Variants in ABCF1 observed in about 807,000 individuals in gnomAD.
ABCF1 encodes ATP binding cassette subfamily F member 1, also known as ATP-binding cassette sub-family F member 1.
In ABCF1, 73 loss-of-function variants were observed where a neutral mutation model predicts 126.3. That is an observed-to-expected ratio of 0.58 (90% CI 0.48 to 0.70). The LOEUF is 0.70. Among genes scored for constraint, ABCF1 ranks in the 30% least tolerant of loss-of-function variants. The pLI is 0.00. For missense variants in ABCF1, 786 were observed against 1,057.5 expected (o/e 0.74, Z 3.56); for synonymous variants, 345 against 396.4 (o/e 0.87, Z 1.54).
At position 30,579,972 on chromosome 6, in the gene ABCF1, G is replaced by C; in HGVS notation, c.531G>C (p.Lys177Asn). The change falls in exon 7 of 25, where the codon AAG becomes AAC. Residue 177 changes from lysine to asparagine, a missense_variant. Coordinates refer to ENST00000326195, the MANE Select transcript of ABCF1 (RefSeq NM_001025091.2). The part of the protein sequence containing the change: ...EEQQPALKGK[K>N]GKEEKSKGKA... ...AGCAGCCTGCACTCAAGGGCAAAAA[G>C]GGAAAGGAAGAGAAGTCAAAAGGGA... The C allele has an allele frequency of 6.2e-7, 1 of 1,612,824 alleles. No homozygotes were observed.
chr6:30,580,496 G>C lies in ABCF1; in HGVS notation c.655G>C (p.Glu219Gln). The change falls in exon 8 of 25, where the codon GAG becomes CAG. Residue 219 changes from glutamate (E) to glutamine (Q), a missense_variant. Glu to Gln is a conservative substitution (Grantham distance 29). Around this residue, in one of 4 missense-constraint regions of ABCF1, gnomAD observed 322 missense variants for 322.9 expected, o/e 1.00. Transcript: ENST00000326195. ...KEKEPPKQGK[E>Q]KAKKAEQGSE... ...AAAGGAGCCTCCCAAACAAGGGAAG[G>C]AGAAGGCCAAGAAGGCAGAGCAGGT... 1 of 1,525,310 alleles carries C rather than the reference G, an allele frequency of 6.6e-7. No homozygotes were observed. The highest frequency in any genetic ancestry group is 8.7e-7 in the Non-Finnish European group (1 of 1,149,524). 94.5% of individuals were successfully genotyped at this position (1,525,310 alleles called of 1,614,324 possible).
At position 30,590,847 on chromosome 6, in the gene ABCF1, G is replaced by GACC; in HGVS notation, c.*147_*149dup. ...TGAAGGTGGAGTGTGACCTTGATGT[G>GACC]ACCGGGATCCCACTCTGATTGCATC... On this transcript the variant is annotated 3_prime_UTR_variant, in exon 25 of 25. Transcript: ENST00000326195. 1 of 809,802 alleles carries GACC rather than the reference G, an allele frequency of 1.2e-6. No homozygotes were observed. The highest frequency in any genetic ancestry group is 2.1e-5 in the South Asian group (1 of 48,412). The allele number at this position is 809,802 out of a possible 1,614,324, so 50.2% of individuals were successfully genotyped here. A position where few individuals can be genotyped will look rare whatever the true frequency, so the allele number is the denominator to read the frequency against.
At position 30,586,677 on chromosome 6, in the gene ABCF1, C is replaced by T; in HGVS notation, c.1997C>T (p.Thr666Met). 5.0e-6 allele frequency: 8 copies of T among 1,613,746 alleles called. No individual in the cohort carries two copies. The highest frequency in any genetic ancestry group is 2.2e-5 in the East Asian group (1 of 44,876). ...IVGPNGVGKSTLLLLLTGKLT... is the reference protein window; with the variant it reads ...IVGPNGVGKSMLLLLLTGKLT... ...GGCCCTAATGGTGTGGGGAAGAGTACGCTACTCCTGCTGCTGACTGGCAAG... is the reference window on the plus strand; with the variant it reads ...GGCCCTAATGGTGTGGGGAAGAGTATGCTACTCCTGCTGCTGACTGGCAAG... Residue 666 changes from threonine to methionine, a missense_variant, in exon 20 of 25, where the codon ACG (threonine) becomes ATG (methionine). Physicochemically the swap from Thr to Met is moderately conservative, Grantham distance 81. Coordinates refer to ENST00000326195, the MANE Select transcript of ABCF1 (RefSeq NM_001025091.2). The surrounding 1 kb of genome is among the most constrained non-coding windows in gnomAD (Gnocchi z 4.9).
rs753936400 is a variant in ABCF1 at position 30,583,056 on chromosome 6, A to G, written c.793-10A>G. ...TGTGGCTTCAAATGTAGTTTTTCCT[A>G]CCTTCTCAGATGGAGTATGAGCGCC... On this transcript the variant is annotated splice_polypyrimidine_tract_variant and intron_variant, in intron 9 of 24. Coordinates refer to ENST00000326195, the MANE Select transcript of ABCF1 (RefSeq NM_001025091.2). This position sits in a 1 kb window ranked among gnomAD's most constrained non-coding sequence, Gnocchi z 4.1. 12 of 1,598,128 alleles carry G rather than the reference A, an allele frequency of 7.5e-6. No individual in the cohort carries two copies. In the South Asian group the frequency reaches 9.9e-5, roughly 13 times the overall value.
Position 30,583,094 on chromosome 6 carries a change from T to G in ABCF1, c.821T>G (p.Leu274Ter), listed in dbSNP as rs2127412206. The change falls in exon 10 of 25, where the codon TTA becomes TGA. Residue 274 changes from leucine (L) to a stop codon, truncating the protein, a stop_gained. Transcript: ENST00000326195. LOFTEE classifies it high-confidence loss of function. This position sits in a 1 kb window ranked among gnomAD's most constrained non-coding sequence, Gnocchi z 4.1. Reference sequence around the variant, plus strand: ...GAGTATGAGCGCCAAGTGGCTTCATTAAAAGCAGCCAATGCAGCTGAAAAT... The same window carrying G: ...GAGTATGAGCGCCAAGTGGCTTCATGAAAAGCAGCCAATGCAGCTGAAAAT... ...QMEYERQVAS[L>*]KAANAAENDF... 14 of 1,610,588 alleles carry G rather than the reference T, an allele frequency of 8.7e-6. No individual in the cohort carries two copies. The highest frequency in any genetic ancestry group is 1.1e-5 in the Non-Finnish European group (13 of 1,177,920).
At chr6:30,589,003 T>C (rs1046355820) in intron 20 of ABCF1, among the ~76,000 whole-genome samples, 1 of 152,056 alleles carries the variant, frequency 6.6e-6, no homozygotes, top group East Asian at 1.9e-4. Context: ...TAGGGGAACA[T>C]CCCTGTTCCT....
At position 30,578,508 on chromosome 6, in the gene ABCF1, TGAGGAAGAGGAG is replaced by T. The variant is rs777372626; in HGVS notation, c.429_440del (p.Glu144_Glu147del). 2.5e-6 allele frequency: 4 copies of T among 1,613,284 alleles called. No homozygotes were observed. The highest frequency in any genetic ancestry group is 3.4e-6 in the Non-Finnish European group (4 of 1,179,868). ...TTGCAGCCCTGATTCAGGATCAGAG[TGAGGAAGAGGAG>T]GAGGAAGAAAAACATCCTCCTAAGC... On this transcript the variant is annotated inframe_deletion, in exon 6 of 25. Transcript: ENST00000326195.
At chr6:30,573,766 G>T (rs1001169975) in intron 1 of ABCF1, among the ~76,000 whole-genome samples, 2 of 152,246 alleles carry the variant, frequency 1.3e-5, no homozygotes, top group African/African-American at 2.4e-5. Flanking sequence ...GGTTTGAGGA[G>T]CTAAGGGTTC....
rs141180278 is a variant in ABCF1, at chr6:30,578,842, A to G, written c.489+265A>G. Reference sequence around the variant, plus strand: ...TGGCGAAACCTCATCTCTACTAAAAATACAAAAATTAGCCAGGCGTGGTGG... The same window carrying G: ...TGGCGAAACCTCATCTCTACTAAAAGTACAAAAATTAGCCAGGCGTGGTGG... On this transcript the variant is annotated intron_variant, in intron 6 of 24. Transcript: ENST00000326195. Among the ~76,000 whole-genome samples, 1,201 of 152,250 alleles carry G rather than the reference A, an allele frequency of 7.9e-3. 12 individuals are homozygous for G. The highest frequency in any genetic ancestry group is 0.026 in the African/African-American group (1,060 of 41,532).
rs778400051 is a variant in ABCF1, at chr6:30,583,176, A to G, written c.903A>G (p.Ala301=). 1.7e-5 allele frequency: 27 copies of G among 1,607,310 alleles called. No homozygotes were observed. The highest frequency in any genetic ancestry group is 2.1e-5 in the Non-Finnish European group (25 of 1,175,122). ...CCCGCCAAGCCATGTTAGAAAATGCATCTGACATCAAGGTAAGGTCTCAAG... is the reference window on the plus strand; with the variant it reads ...CCCGCCAAGCCATGTTAGAAAATGCGTCTGACATCAAGGTAAGGTCTCAAG... The part of the protein sequence containing the change: ...MSSRQAMLEN[A]SDIKLEKFSI... The change falls in exon 10 of 25, where the codon GCA becomes GCG. Residue 301 remains alanine, a synonymous_variant. Coordinates refer to ENST00000326195, the MANE Select transcript of ABCF1 (RefSeq NM_001025091.2). The surrounding 1 kb of genome is among the most constrained non-coding windows in gnomAD (Gnocchi z 4.1).
chr6:30,576,883 A>C (rs1259326662), intron 1 of ABCF1, among the ~76,000 whole-genome samples: 1 of 152,130 alleles, frequency 6.6e-6, no homozygotes, highest in Admixed American at 6.5e-5. Flanking sequence ...CCTGTCTCTC[A>C]GTGTGTGTGC....
At position 30,590,770 on chromosome 6, in the gene ABCF1, C is replaced by T. The variant is rs995340729; in HGVS notation, c.*69C>T. 7.3e-6 allele frequency: 11 copies of T among 1,504,408 alleles called. No individual in the cohort carries two copies. The highest frequency in any genetic ancestry group is 6.5e-5 in the Admixed American group (3 of 46,506). The allele number at this position is 1,504,408 out of a possible 1,614,324, so 93.2% of individuals were successfully genotyped here. Reference sequence around the variant, plus strand: ...CTAGAAGTCCTCTGTGGTCTCCCCTCCTCTGAAGACTGCCTCTGGCCTGCA... The same window carrying T: ...CTAGAAGTCCTCTGTGGTCTCCCCTTCTCTGAAGACTGCCTCTGGCCTGCA... On this transcript the variant is annotated 3_prime_UTR_variant, in exon 25 of 25. Coordinates refer to ENST00000326195, the MANE Select transcript of ABCF1 (RefSeq NM_001025091.2).
At position 30,583,477 on chromosome 6, in the gene ABCF1, A is replaced by G; in HGVS notation, c.916-131A>G. On this transcript the variant is annotated intron_variant, in intron 10 of 24. Coordinates refer to ENST00000326195, the MANE Select transcript of ABCF1 (RefSeq NM_001025091.2). The surrounding 1 kb of genome is among the most constrained non-coding windows in gnomAD (Gnocchi z 4.1). ...GCGGGGACCGGCTGTGGGGAGAGGA[A>G]GGGGATTATGCTGGAGGTAGCGGTT... 1 of 1,001,932 alleles carries G rather than the reference A, an allele frequency of 1.0e-6. No individual in the cohort carries two copies. The highest frequency in any genetic ancestry group is 1.5e-6 in the Non-Finnish European group (1 of 656,842). 62.1% of individuals were successfully genotyped at this position (1,001,932 alleles called of 1,614,324 possible).
At chr6:30,572,511 T>G (rs1160422087) in intron 1 of ABCF1, among the ~76,000 whole-genome samples, 1 of 151,980 alleles carries the variant, frequency 6.6e-6, no homozygotes, top group Non-Finnish European at 1.5e-5. Context: ...AATAGCTGAG[T>G]ATTTTTTTTT....
chr6:30,582,518 G>T lies in ABCF1; in HGVS notation c.792+11G>T. The T allele has an allele frequency of 6.2e-7, 1 of 1,611,884 alleles. No homozygotes were observed. The highest frequency in any genetic ancestry group is 1.3e-5 in the African/African-American group (1 of 74,902). On this transcript the variant is annotated intron_variant, in intron 9 of 24. Transcript: ENST00000326195. ...AAGCTGAAAAAACAGGTAAGACCTT[G>T]GTTCTTAGCGGTCAAAAGTAGGGGA... is the stretch of plus-strand genomic sequence containing the variant.
chr6:30,583,641 G>A lies in ABCF1; in HGVS notation c.949G>A (p.Glu317Lys). 6.2e-7 allele frequency: 1 copy of A among 1,614,032 alleles called. No individual in the cohort carries two copies. The highest frequency in any genetic ancestry group is 8.5e-7 in the Non-Finnish European group (1 of 1,179,916). ...GTTCAGCATCTCCGCTCATGGCAAG[G>A]AGCTGTTCGTCAATGCAGACCTGTA... ...EKFSISAHGK[E>K]LFVNADLYIV... The change falls in exon 11 of 25, where the codon GAG (glutamate) becomes AAG (lysine). Residue 317 changes from glutamate to lysine, a missense_variant. Glu to Lys is a moderately conservative substitution (Grantham distance 56). Transcript: ENST00000326195. The surrounding 1 kb of genome is among the most constrained non-coding windows in gnomAD (Gnocchi z 4.1).
At chr6:30,588,909 G>A (rs1335220303) in intron 20 of ABCF1, among the ~76,000 whole-genome samples, 1 of 152,050 alleles carries the variant, frequency 6.6e-6, no homozygotes, top group Non-Finnish European at 1.5e-5. Flanking sequence ...AGTCCCTCCT[G>A]CTTGTCCCTC....
At chr6:30,581,707 A>G (rs1801824822) in intron 8 of ABCF1, among the ~76,000 whole-genome samples, 7 of 151,934 alleles carry the variant, frequency 4.6e-5, no homozygotes, top group Admixed American at 4.6e-4. Context: ...CCGGACGGCT[A>G]CCTGATCTTT....
At position 30,574,511 on chromosome 6, in the gene ABCF1, G is replaced by A. The variant is rs1801399948; in HGVS notation, c.74-2898G>A. On this transcript the variant is annotated intron_variant, in intron 1 of 24. Coordinates refer to ENST00000326195, the MANE Select transcript of ABCF1 (RefSeq NM_001025091.2). This position sits in a 1 kb window ranked among gnomAD's most constrained non-coding sequence, Gnocchi z 4.3. ...GGGGAGAAATTAGTGTCTGGGATGA[G>A]TCAGTCATCTGTGTTGATAAGGTGA... Among the ~76,000 whole-genome samples the A allele has an allele frequency of 6.6e-6, 1 of 152,170 alleles. No individual in the cohort carries two copies. Among genetic ancestry groups the A allele is most frequent in the Non-Finnish European group, 1.5e-5 (1 of 68,028 alleles).
Sources: gnomAD v4.1 joint callset for allele counts (sites outside exome capture counted in the v4.1 genomes callset) on GRCh38, gnomAD v4.1.1 for gene constraint, gnomAD v4.1.1 regional missense constraint, Gnocchi (gnomAD v3.1) non-coding constraint, MANE v1.5 for transcripts, NCBI Gene and HGNC (gene_info 2026-07-23, HGNC 2026-07-21) for gene names.